LIMD1: variants seen among roughly 807,000 people sequenced by gnomAD.
LIMD1 encodes the protein LIM domain-containing protein 1.
Under a neutral mutation model 58.4 loss-of-function variants are expected in LIMD1, and 23 were observed. That is an observed-to-expected ratio of 0.39 (90% CI 0.28 to 0.56). The LOEUF (loss-of-function observed/expected upper bound fraction) is 0.56, where lower values mean the gene tolerates loss of function less well. Ranked by LOEUF, LIMD1 falls within the 20% of genes least tolerant of loss-of-function variation. LIMD1 has a pLI of 0.57. For missense variants in LIMD1, 838 were observed against 855.5 expected (o/e 0.98, Z 0.25); for synonymous variants, 334 against 345.5 (o/e 0.97, Z 0.37).
intron 2 of LIMD1, among the ~76,000 whole-genome samples, chr3:45,642,215 G>A (rs142092649): frequency 2.7e-5 from 4 of 150,706 alleles, no homozygotes; most frequent in Non-Finnish European, 4.4e-5. Flanking sequence ...TTGCTCTGTC[G>A]TACAAGCTGG....
chr3:45,671,212 A>C (rs1014141880), intron 4 of LIMD1, among the ~76,000 whole-genome samples: 1 of 152,190 alleles, frequency 6.6e-6, no homozygotes, highest in Non-Finnish European at 1.5e-5. Context: ...GGAAGCTTGA[A>C]AGCTGAGCAT....
At chr3:45,649,840 G>GT (rs1315471606) in intron 2 of LIMD1, among the ~76,000 whole-genome samples, 1,817 of 63,318 alleles carry the variant, frequency 0.029, 47 homozygotes, top group African/African-American at 0.15. Flanking sequence ...GTTCCTTGAA[G>GT]TTTTTTTGTT....
intron 2 of LIMD1, among the ~76,000 whole-genome samples, chr3:45,659,488 C>T (rs916043261): frequency 1.3e-5 from 2 of 151,956 alleles, no homozygotes; most frequent in African/African-American, 4.8e-5. Context: ...CTCAGGAGGC[C>T]GAGGTGGGAG....
intron 2 of LIMD1, among the ~76,000 whole-genome samples, chr3:45,648,519 A>G (rs959984708): frequency 2.0e-5 from 3 of 152,200 alleles, no homozygotes; most frequent in Non-Finnish European, 4.4e-5. Flanking sequence ...ATTTTTGGCT[A>G]TTATAAATAA....
rs377087906 is a variant in LIMD1, at chr3:45,595,629, C to G, written c.750C>G (p.Gly250=). The change falls in exon 1 of 8, where the codon GGC becomes GGG. Residue 250 remains glycine, a synonymous_variant. Coordinates refer to ENST00000273317, the MANE Select transcript of LIMD1 (RefSeq NM_014240.3). ...SEGSLGGQNS[G]IGGRSSEKPT... ...GTAGCCTCGGTGGTCAGAATAGTGGCATTGGTGGCCGCAGCAGCGAGAAGC... is the reference window on the plus strand; with the variant it reads ...GTAGCCTCGGTGGTCAGAATAGTGGGATTGGTGGCCGCAGCAGCGAGAAGC... The G allele has an allele frequency of 6.2e-7, 1 of 1,613,660 alleles. No individual in the cohort carries two copies. Among genetic ancestry groups the G allele is most frequent in the Non-Finnish European group, 8.5e-7 (1 of 1,179,926 alleles).
intron 1 of LIMD1, among the ~76,000 whole-genome samples, chr3:45,619,655 C>A (rs1246074460): frequency 6.6e-6 from 1 of 151,562 alleles, no homozygotes. Context: ...AAAAATTAGC[C>A]GGGTGTGGTG....
chr3:45,595,935 C>A lies in LIMD1; in HGVS notation c.1056C>A (p.Ser352=). The part of the protein sequence containing the change: ...KSYLSSSAPS[S]SPAGLDGSQQ... ...ACCTTTCCAGTTCTGCCCCGTCATC[C>A]TCGCCAGCTGGTCTGGACGGTTCAC... The change falls in exon 1 of 8, where the codon TCC becomes TCA. Residue 352 remains serine (S), a synonymous_variant. Transcript: ENST00000273317. 2 of 1,614,210 alleles carry A rather than the reference C, an allele frequency of 1.2e-6. No homozygotes were observed. Among genetic ancestry groups the A allele is most frequent in the Non-Finnish European group, 1.7e-6 (2 of 1,180,022 alleles).
chr3:45,665,512 A>G, intron 2 of LIMD1, 138 bp from the exon 3 acceptor site: 2 of 655,132 alleles, frequency 3.1e-6, no homozygotes, highest in Non-Finnish European at 5.3e-6. Context: ...ATCTTTTAGG[A>G]ACTGGAAAGT....
chr3:45,666,037 C>G (rs1346011434), intron 3 of LIMD1, among the ~76,000 whole-genome samples: 1 of 152,160 alleles, frequency 6.6e-6, no homozygotes, highest in East Asian at 1.9e-4. Context: ...CCCACTCTCT[C>G]TGGGGATCTA....
Position 45,663,868 on chromosome 3 carries a change from A to ATTTTTTTTTTTTTTTTTTTTTTT in LIMD1, c.1511-1762_1511-1761insTTTTTTTTTTTTTTTTTTTTTTT, listed in dbSNP as rs553757543. On this transcript the variant is annotated intron_variant, in intron 2 of 7. Transcript: ENST00000273317. Reference sequence around the variant, plus strand: ...TAGTGCGTGGCACCATGCCTGGCTAATTTTTTTTTTTTTTTTTTTTGAGAC... The same window carrying ATTTTTTTTTTTTTTTTTTTTTTT: ...TAGTGCGTGGCACCATGCCTGGCTAATTTTTTTTTTTTTTTTTTTTTTTTTTTTTTTTTTTTTTTTTTTGAGAC... Among the ~76,000 whole-genome samples the ATTTTTTTTTTTTTTTTTTTTTTT allele has an allele frequency of 3.9e-4, 40 of 102,846 alleles. 6 individuals carry two copies. The highest frequency in any genetic ancestry group is 7.7e-4 in the African/African-American group (18 of 23,344). 67.5% of individuals were successfully genotyped at this position (102,846 alleles called of 152,430 possible). A position where few individuals can be genotyped will look rare whatever the true frequency, so the allele number is the denominator to read the frequency against.
At chr3:45,645,220 C>T (rs1701888975) in intron 2 of LIMD1, among the ~76,000 whole-genome samples, 2 of 152,078 alleles carry the variant, frequency 1.3e-5, no homozygotes, top group African/African-American at 4.8e-5. Context: ...CTCTTGTGTC[C>T]GTCTCCTGCA....
rs2125672470 is a variant in LIMD1 at position 45,679,475 on chromosome 3, G to T, written c.*2416G>T. 1 of 152,344 alleles carries T rather than the reference G, an allele frequency of 6.6e-6. No individual in the cohort carries two copies. Among genetic ancestry groups the T allele is most frequent in the East Asian group, 1.9e-4 (1 of 5,190 alleles). The allele number at this position is 152,344 out of a possible 1,614,324, so 9.4% of individuals were successfully genotyped here. ...ATTAGCCAAATAGAACTGTAATGGGGTTGTATTTATGGGCGCCTAGAAAGA... is the reference window on the plus strand; with the variant it reads ...ATTAGCCAAATAGAACTGTAATGGGTTTGTATTTATGGGCGCCTAGAAAGA... On this transcript the variant is annotated 3_prime_UTR_variant, in exon 8 of 8. Transcript: ENST00000273317.
At chr3:45,642,249 C>G (rs1158262335) in intron 2 of LIMD1, among the ~76,000 whole-genome samples, 2 of 151,938 alleles carry the variant, frequency 1.3e-5, no homozygotes, top group Non-Finnish European at 2.9e-5. Flanking sequence ...GATCACAGCT[C>G]ACTGCAGCCT....
At chr3:45,673,160 T>A (rs1279640957) in intron 5 of LIMD1, among the ~76,000 whole-genome samples, 2 of 152,178 alleles carry the variant, frequency 1.3e-5, no homozygotes, top group Non-Finnish European at 2.9e-5. Context: ...CAGTGCTGGT[T>A]CCTACCACTC....
In LIMD1 at chr3:45,677,896, C is replaced by G. The variant is rs142652632; in HGVS notation, c.*837C>G. Reference sequence around the variant, plus strand: ...CTCAAGAGTTGGTGACTTGGAAGGCCGCTTCTGCAAGGCAAGTCTCAGGAA... The same window carrying G: ...CTCAAGAGTTGGTGACTTGGAAGGCGGCTTCTGCAAGGCAAGTCTCAGGAA... On this transcript the variant is annotated 3_prime_UTR_variant, in exon 8 of 8. Coordinates refer to ENST00000273317, the MANE Select transcript of LIMD1 (RefSeq NM_014240.3). 6.6e-6 allele frequency: 1 copy of G among 152,090 alleles called. No individual in the cohort carries two copies. 9.4% of individuals were successfully genotyped at this position (152,090 alleles called of 1,614,324 possible).
chr3:45,661,733 T>A (rs947602869), intron 2 of LIMD1, among the ~76,000 whole-genome samples: 14 of 152,232 alleles, frequency 9.2e-5, no homozygotes, highest in Admixed American at 4.6e-4. Context: ...TTTGCTAGTC[T>A]GATAGGTAAA....
At chr3:45,632,552 G>T (rs1202784225) in intron 1 of LIMD1, 1 of 985,132 alleles carries the variant, frequency 1.0e-6, no homozygotes, top group African/African-American at 1.7e-5. Context: ...GGAAGCAGGT[G>T]CCAGGTAAGG....
At chr3:45,632,423 C>A in intron 1 of LIMD1, 1 of 605,372 alleles carries the variant, frequency 1.7e-6, no homozygotes, top group Non-Finnish European at 2.1e-6. Flanking sequence ...GTGTTTAGGT[C>A]TGCTGAGGGG....
In LIMD1 at chr3:45,600,925, A is replaced by G. The variant is rs533666540; in HGVS notation, c.1408+4638A>G. On this transcript the variant is annotated intron_variant, in intron 1 of 7. Coordinates refer to ENST00000273317, the MANE Select transcript of LIMD1 (RefSeq NM_014240.3). ...CAAAAAACACAAAAATTAGCCAGGCATGGTGGTGCACACCTGTAGTCCCAG... is the reference window on the plus strand; with the variant it reads ...CAAAAAACACAAAAATTAGCCAGGCGTGGTGGTGCACACCTGTAGTCCCAG... Among the ~76,000 whole-genome samples, 21 of 152,168 alleles carry G rather than the reference A, an allele frequency of 1.4e-4. 1 individual carries two copies. The South Asian group carries it at 4.2e-3, about 30-fold the overall frequency.
Sources: allele counts gnomAD v4.1 joint callset (sites outside exome capture counted in the v4.1 genomes callset), GRCh38; gene constraint gnomAD v4.1.1; transcripts MANE v1.5; gene names NCBI Gene and HGNC (gene_info 2026-07-23, HGNC 2026-07-21).